VWF: variants seen among roughly 807,000 people sequenced by gnomAD.
VWF encodes Factor VIII related antigen.
Under a neutral mutation model 308.6 loss-of-function variants are expected in VWF, and 176 were observed. That is an observed-to-expected ratio of 0.57 (90% CI 0.50 to 0.65). The LOEUF (loss-of-function observed/expected upper bound fraction) is 0.65. Among genes scored for constraint, VWF ranks in the 30% least tolerant of loss-of-function variants. The probability of loss-of-function intolerance (pLI) is 0.00; values close to 1 mark genes in which losing one functional copy is unlikely to be tolerated. For synonymous variants in VWF, 1,385 were observed against 1,443.4 expected (o/e 0.96, Z 0.92); for missense variants, 3,146 against 3,648.2 (o/e 0.86, Z 3.55).
chr12:6,097,980 G>A (rs1945123228), intron 5 of VWF, among the ~76,000 whole-genome samples: 1 of 152,190 alleles, frequency 6.6e-6, no homozygotes, highest in African/African-American at 2.4e-5. Context: ...TTCCTTATGT[G>A]CAAATAAGGA....
intron 43 of VWF, among the ~76,000 whole-genome samples, chr12:5,975,305 T>C (rs1358437182): frequency 6.6e-6 from 1 of 152,282 alleles, no homozygotes; most frequent in Admixed American, 6.5e-5. Context: ...TGTGCTCGCC[T>C]GCCCTGGCAC....
chr12:6,037,662 G>T (rs1333574386), intron 18 of VWF, among the ~76,000 whole-genome samples: 2 of 152,166 alleles, frequency 1.3e-5, no homozygotes, highest in Non-Finnish European at 2.9e-5. Flanking sequence ...AGCCTTGGGG[G>T]TTCTCAAAGA....
At chr12:6,076,926 C>T (rs1355562046) in intron 6 of VWF, among the ~76,000 whole-genome samples, 5 of 152,178 alleles carry the variant, frequency 3.3e-5, no homozygotes, top group South Asian at 4.1e-4. Context: ...AGCACAGGGA[C>T]GTTGGTCCTA....
rs1944828044 is a variant in VWF, at chr12:6,075,189, CG to C, written c.874+145del. 9.7e-7 allele frequency: 1 copy of C among 1,027,402 alleles called. No homozygotes were observed. Among genetic ancestry groups the C allele is most frequent in the African/African-American group, 1.6e-5 (1 of 63,984 alleles). The allele number at this position is 1,027,402 out of a possible 1,614,324, so 63.6% of individuals were successfully genotyped here. A position where few individuals can be genotyped will look rare whatever the true frequency, so the allele number is the denominator to read the frequency against. ...GCAGGAGCCATTCAGGAAATGGGTC[CG>C]GGACACGTGGCTTTGTAGTCACTGG... On this transcript the variant is annotated intron_variant, in intron 7 of 51. Coordinates refer to ENST00000261405, the MANE Select transcript of VWF (RefSeq NM_000552.5). This position sits in a 1 kb window ranked among gnomAD's most constrained non-coding sequence, Gnocchi z 4.7.
intron 5 of VWF, among the ~76,000 whole-genome samples, chr12:6,106,141 T>A (rs1945241066): frequency 6.6e-6 from 1 of 152,190 alleles, no homozygotes; most frequent in African/African-American, 2.4e-5. Flanking sequence ...GTGGAAGCAA[T>A]CTAAGTGTCT....
chr12:5,970,672 T>G (rs1293125155), intron 44 of VWF, among the ~76,000 whole-genome samples: 1 of 152,160 alleles, frequency 6.6e-6, no homozygotes, highest in Non-Finnish European at 1.5e-5. Flanking sequence ...GTCATTCTGT[T>G]ATCACTGGGG....
At chr12:6,054,310 G>C (rs1944552655) in intron 15 of VWF, among the ~76,000 whole-genome samples, 1 of 152,144 alleles carries the variant, frequency 6.6e-6, no homozygotes, top group Admixed American at 6.5e-5. Context: ...TGGAAAGGTT[G>C]GATTATTGGA....
intron 10 of VWF, among the ~76,000 whole-genome samples, chr12:6,070,516 A>C (rs1944767944): frequency 6.6e-6 from 1 of 152,224 alleles, no homozygotes; most frequent in Non-Finnish European, 1.5e-5. Context: ...GACTTTGGGC[A>C]AGTCATTTAA....
chr12:6,057,525 A>ATTT (rs1439348338), intron 14 of VWF, among the ~76,000 whole-genome samples: 2 of 138,508 alleles, frequency 1.4e-5, no homozygotes, highest in African/African-American at 2.7e-5. Context: ...TATTATTATT[A>ATTT]TTTTAATAGA....
intron 6 of VWF, among the ~76,000 whole-genome samples, chr12:6,092,614 T>TGAGAGTGAGAGTGAGAGTGA (rs1945053302): frequency 1.2e-5 from 1 of 86,056 alleles, no homozygotes; most frequent in Non-Finnish European, 2.2e-5. Flanking sequence ...AGTGAGTGAG[T>TGAGAGTGAGAGTGAGAGTGA]GAGAGTGTGT....
Position 6,019,647 on chromosome 12 carries a change from C to T in VWF, c.3771G>A (p.Leu1257=). 6.2e-7 allele frequency: 1 copy of T among 1,613,940 alleles called. No homozygotes were observed. Among genetic ancestry groups the T allele is most frequent in the Non-Finnish European group, 8.5e-7 (1 of 1,179,862 alleles). Residue 1257 remains leucine (L), a synonymous_variant, in exon 28 of 52, where the codon CTG becomes CTA. Transcript: ENST00000261405. This position sits in a 1 kb window ranked among gnomAD's most constrained non-coding sequence, Gnocchi z 5.8. ...PTDAPVSPTT[L]YVEDISEPPL... ...GCGGTTCCGAGATGTCCTCCACATA[C>T]AGAGTGGTGGGGCTCACCGGGGCAT... is the stretch of plus-strand genomic sequence containing the variant.
intron 27 of VWF, chr12:6,021,161 C>G (rs1454606183): frequency 6.6e-6 from 1 of 152,388 alleles, no homozygotes; most frequent in South Asian, 2.1e-4. Flanking sequence ...CAGATGGTGG[C>G]GGCAGGATCT....
chr12:6,098,843 A>T (rs1161071058), intron 5 of VWF, among the ~76,000 whole-genome samples: 1 of 152,168 alleles, frequency 6.6e-6, no homozygotes, highest in Non-Finnish European at 1.5e-5. Context: ...AAGGAAAAAC[A>T]GACCTGGTGA....
chr12:6,116,119 T>C (rs1322073143), intron 3 of VWF, among the ~76,000 whole-genome samples: 1 of 152,026 alleles, frequency 6.6e-6, no homozygotes, highest in Non-Finnish European at 1.5e-5. Context: ...CCATTAGAAA[T>C]CGCCGGTGAG....
At chr12:5,976,055 T>C in intron 43 of VWF, 56 bp downstream of exon 43, 1 of 1,608,238 alleles carries the variant, frequency 6.2e-7, no homozygotes, top group Non-Finnish European at 8.5e-7. Flanking sequence ...TAAGATGCCC[T>C]CCTCTACTTT....
rs184139935 is a variant in VWF at position 5,978,226 on chromosome 12, T to C, written c.7288-1966A>G. ...TACACAAATATCCCCCAATGAGGTT[T>C]TTTTTTTAGGACTAGAAGAACTGAA... On this transcript the variant is annotated intron_variant, in intron 42 of 51. Coordinates refer to ENST00000261405, the MANE Select transcript of VWF (RefSeq NM_000552.5). 4.6e-5 allele frequency among the ~76,000 whole-genome samples: 7 copies of C among 151,960 alleles called. 1 individual carries two copies. The highest frequency in any genetic ancestry group is 1.0e-4 in the Non-Finnish European group (7 of 67,974).
At position 6,046,667 on chromosome 12, in the gene VWF, C is replaced by A; in HGVS notation, c.2281+56G>T. On this transcript the variant is annotated intron_variant, in intron 17 of 51. Coordinates refer to ENST00000261405, the MANE Select transcript of VWF (RefSeq NM_000552.5). The surrounding 1 kb of genome is among the most constrained non-coding windows in gnomAD (Gnocchi z 5.0). ...CCCAGCTCTCTCCCGCCATTCCACA[C>A]GTGAGGAATCTGGGCAGGATGGAGT... 2 of 1,530,972 alleles carry A rather than the reference C, an allele frequency of 1.3e-6. No individual in the cohort carries two copies. Among genetic ancestry groups the A allele is most frequent in the South Asian group, 1.1e-5 (1 of 89,418 alleles). The allele number at this position is 1,530,972 out of a possible 1,614,324, so 94.8% of individuals were successfully genotyped here. A position where few individuals can be genotyped will look rare whatever the true frequency, so the allele number is the denominator to read the frequency against.
At chr12:6,064,883 G>A (rs556914714) in intron 11 of VWF, among the ~76,000 whole-genome samples, 5 of 152,304 alleles carry the variant, frequency 3.3e-5, no homozygotes, top group African/African-American at 4.8e-5. Context: ...AGCAGGATGC[G>A]TCCACTGGGT....
rs549102454 is a variant in VWF at position 6,055,846 on chromosome 12, C to T, written c.1945+1011G>A. On this transcript the variant is annotated intron_variant, in intron 15 of 51. Coordinates refer to ENST00000261405, the MANE Select transcript of VWF (RefSeq NM_000552.5). Reference sequence around the variant, plus strand: ...TCAGAGTGCAGTGGTGCGATCATAACTCACTGCAGCCTTAAATTCCTAGAC... The same window carrying T: ...TCAGAGTGCAGTGGTGCGATCATAATTCACTGCAGCCTTAAATTCCTAGAC... Among the ~76,000 whole-genome samples the T allele has an allele frequency of 1.1e-3, 169 of 150,894 alleles. 2 individuals are homozygous for T. Among genetic ancestry groups the T allele is most frequent in the Middle Eastern group, 0.01 (3 of 294 alleles).
Sources: allele counts gnomAD v4.1 joint callset (sites outside exome capture counted in the v4.1 genomes callset), GRCh38; gene constraint gnomAD v4.1.1; non-coding constraint Gnocchi (gnomAD v3.1); transcripts MANE v1.5; gene names NCBI Gene and HGNC (gene_info 2026-07-23, HGNC 2026-07-21).